Variants in PHF20 observed in about 807,000 individuals in gnomAD.
The protein encoded by PHF20 is PHD finger protein 20.
A neutral mutation model predicts 113.5 loss-of-function variants in PHF20; 23 were observed. That is an observed-to-expected ratio of 0.20 (90% CI 0.15 to 0.29). The LOEUF (loss-of-function observed/expected upper bound fraction) is 0.29, where lower values mean the gene tolerates loss of function less well. Among genes scored for constraint, PHF20 ranks in the 10% least tolerant of loss-of-function variants. The probability of loss-of-function intolerance (pLI) is 1.00; values close to 1 mark genes in which losing one functional copy is unlikely to be tolerated. For missense variants in PHF20, 943 were observed against 1,219.6 expected, an observed-to-expected ratio of 0.77 and a Z score of 3.38; for synonymous variants, 434 against 457.3, an observed-to-expected ratio of 0.95 and a Z score of 0.65.
chr20:35,908,144 A>G (rs1471142255), intron 10 of PHF20, among the ~76,000 whole-genome samples: 2 of 152,222 alleles, frequency 1.3e-5, no homozygotes, highest in African/African-American at 4.8e-5. Context: ...TTATGATTCC[A>G]GGGAAGAGTG....
At chr20:35,784,433 C>CTT (rs35002007) in intron 1 of PHF20, among the ~76,000 whole-genome samples, 3,048 of 110,462 alleles carry the variant, frequency 0.028, 183 homozygotes, top group Non-Finnish European at 0.041. Context: ...ATCCCAAAGA[C>CTT]TTTTTTTTTT....
intron 4 of PHF20, among the ~76,000 whole-genome samples, chr20:35,849,122 C>A (rs181951678): frequency 1.3e-5 from 2 of 152,198 alleles, no homozygotes; most frequent in African/African-American, 4.8e-5. Context: ...GTTTTTGGGA[C>A]TAACTGGAAG....
intron 9 of PHF20, among the ~76,000 whole-genome samples, chr20:35,892,192 G>T (rs962858941): frequency 6.6e-5 from 10 of 151,322 alleles, no homozygotes; most frequent in Middle Eastern, 3.5e-3. Context: ...CGAGTAGATG[G>T]GACTACAGGC....
chr20:35,908,921 C>T (rs1015545947), intron 10 of PHF20, among the ~76,000 whole-genome samples: 11 of 152,148 alleles, frequency 7.2e-5, no homozygotes, highest in Admixed American at 5.9e-4. Context: ...TTCTGGCAGT[C>T]TTTGTTTTGA....
At chr20:35,848,697 T>A (rs555338531) in intron 4 of PHF20, among the ~76,000 whole-genome samples, 1 of 151,738 alleles carries the variant, frequency 6.6e-6, no homozygotes, top group Admixed American at 6.6e-5. Flanking sequence ...CATCTCACTA[T>A]GAAAAAAAAA....
intron 13 of PHF20, among the ~76,000 whole-genome samples, chr20:35,919,347 T>TG (rs1184221239): frequency 6.7e-6 from 1 of 149,878 alleles, no homozygotes; most frequent in African/African-American, 2.4e-5. Context: ...TTTTTTTTTT[T>TG]TTTTTTTTTT....
intron 9 of PHF20, among the ~76,000 whole-genome samples, chr20:35,875,424 A>G (rs1441471409): frequency 6.6e-6 from 1 of 151,632 alleles, no homozygotes; most frequent in South Asian, 2.1e-4. Context: ...AAATTAAAAG[A>G]GTACCGAAGT....
intron 1 of PHF20, among the ~76,000 whole-genome samples, chr20:35,778,314 A>G (rs1382588857): frequency 6.6e-6 from 1 of 152,142 alleles, no homozygotes; most frequent in East Asian, 1.9e-4. Context: ...ATTTTTCTTG[A>G]TAAACATTCT....
chr20:35,865,172 G>A (rs1474966613), intron 6 of PHF20, among the ~76,000 whole-genome samples: 4 of 151,746 alleles, frequency 2.6e-5, no homozygotes, highest in Admixed American at 6.6e-5. Flanking sequence ...CAGCTTGGGC[G>A]ACAAAACAAA....
chr20:35,777,440 A>G (rs2041197428), intron 1 of PHF20, among the ~76,000 whole-genome samples: 1 of 152,230 alleles, frequency 6.6e-6, no homozygotes, highest in East Asian at 1.9e-4. Context: ...GTTGCCTGGT[A>G]TGTCTTCCTG....
At chr20:35,791,105 C>T (rs967304284) in intron 1 of PHF20, among the ~76,000 whole-genome samples, 3 of 152,146 alleles carry the variant, frequency 2.0e-5, no homozygotes, top group African/African-American at 7.2e-5. Flanking sequence ...GATCCACCTG[C>T]CTCAGCCTCC....
At position 35,917,673 on chromosome 20, in the gene PHF20, C is replaced by A. The variant is rs1315104289; in HGVS notation, c.2004+11C>A. ...GACTTCATGATTCAGGTAGGCAGAG[C>A]TTCCAGGAAACAGGTCTAGAGAAGC... On this transcript the variant is annotated intron_variant, in intron 13 of 17. Transcript: ENST00000374012. 6.2e-7 allele frequency: 1 copy of A among 1,609,476 alleles called. No individual in the cohort carries two copies.
At position 35,913,199 on chromosome 20, in the gene PHF20, C is replaced by T. The variant is rs2055339856; in HGVS notation, c.1562-50C>T. 5.2e-6 allele frequency: 7 copies of T among 1,356,774 alleles called. No individual in the cohort carries two copies. The East Asian group carries it at 1.2e-4, about 23-fold the overall frequency. The allele number at this position is 1,356,774 out of a possible 1,614,324, so 84.0% of individuals were successfully genotyped here. A position where few individuals can be genotyped will look rare whatever the true frequency, so the allele number is the denominator to read the frequency against. ...TTGCTTAGGAGAAGAATAAGCACCC[C>T]AGCATTGAAAACAAAATGTTAAAAT... On this transcript the variant is annotated intron_variant, in intron 10 of 17. Coordinates refer to ENST00000374012, the MANE Select transcript of PHF20 (RefSeq NM_016436.5).
intron 7 of PHF20, among the ~76,000 whole-genome samples, chr20:35,870,226 C>T (rs2054394282): frequency 6.6e-6 from 1 of 150,456 alleles, no homozygotes; most frequent in Admixed American, 6.6e-5. Context: ...ATGGCATGAA[C>T]CCGGGAGGCG....
intron 2 of PHF20, among the ~76,000 whole-genome samples, chr20:35,820,632 G>T (rs1312449624): frequency 6.6e-6 from 1 of 151,632 alleles, no homozygotes; most frequent in African/African-American, 2.4e-5. Context: ...GTATTTTTTA[G>T]TAGAGATGGG....
intron 3 of PHF20, among the ~76,000 whole-genome samples, chr20:35,843,521 CAAAAAAA>C (rs766671833): frequency 5.6e-5 from 3 of 53,182 alleles, no homozygotes; most frequent in Middle Eastern, 0.011. Flanking sequence ...TATTCCATCT[CAAAAAAA>C]AAAAAAAAAA....
intron 1 of PHF20, among the ~76,000 whole-genome samples, chr20:35,796,754 A>C (rs748312645): frequency 6.6e-6 from 1 of 152,202 alleles, no homozygotes; most frequent in African/African-American, 2.4e-5. Context: ...GGTCAGAGAA[A>C]GAGGAAGGAC....
intron 3 of PHF20, among the ~76,000 whole-genome samples, chr20:35,846,328 G>A (rs1270682963): frequency 1.3e-5 from 2 of 151,806 alleles, no homozygotes; most frequent in African/African-American, 2.4e-5. Context: ...ACAGGTGGCC[G>A]CCACCACACA....
At chr20:35,775,957 C>A (rs573243665) in intron 1 of PHF20, among the ~76,000 whole-genome samples, 4 of 151,948 alleles carry the variant, frequency 2.6e-5, no homozygotes, top group African/African-American at 9.7e-5. Context: ...ACCACTGGCA[C>A]GTGCCACCAC....
Sources: allele counts gnomAD v4.1 joint callset (sites outside exome capture counted in the v4.1 genomes callset), GRCh38; gene constraint gnomAD v4.1.1; transcripts MANE v1.5; gene names NCBI Gene and HGNC (gene_info 2026-07-23, HGNC 2026-07-21).